RASA2: variants seen among roughly 807,000 people sequenced by gnomAD.
RASA2 encodes RAS p21 protein activator 2, also known as ras GTPase-activating protein 2.
In RASA2, 155 loss-of-function variants were observed where a neutral mutation model predicts 118.2. The ratio of observed to expected loss-of-function variants is 1.31; its 90% CI spans 1.15 to 1.50. The LOEUF (loss-of-function observed/expected upper bound fraction) is 1.50. Among genes scored for constraint, RASA2 ranks in the 40% most tolerant of loss-of-function variants. RASA2 has a pLI of 0.00. For synonymous variants in RASA2, 353 were observed against 349.1 expected, an observed-to-expected ratio of 1.01 and a Z score of -0.12; for missense variants, 1,016 against 1,009.6, an observed-to-expected ratio of 1.01 and a Z score of -0.09.
At chr3:141,560,025 T>TGG in intron 9 of RASA2, 30 bp downstream of exon 9, 1 of 1,538,874 alleles carries the variant, frequency 6.5e-7, no homozygotes, top group African/African-American at 1.4e-5. Flanking sequence ...GTGAACTCCA[T>TGG]AGTTTAATTC....
intron 2 of RASA2, among the ~76,000 whole-genome samples, chr3:141,514,532 T>G (rs529147044): frequency 1.6e-4 from 24 of 152,284 alleles, no homozygotes; most frequent in Admixed American, 7.2e-4. Context: ...TTCACTAGAA[T>G]AGCTAAAGTT....
intron 6 of RASA2, among the ~76,000 whole-genome samples, chr3:141,555,610 C>T (rs562891568): frequency 8.6e-5 from 13 of 150,614 alleles, no homozygotes; most frequent in African/African-American, 9.8e-5. Context: ...CTAGTGTGTC[C>T]GTAGAGAGAA....
At chr3:141,494,557 C>T (rs1172667229) in intron 1 of RASA2, among the ~76,000 whole-genome samples, 4 of 152,026 alleles carry the variant, frequency 2.6e-5, no homozygotes, top group African/African-American at 7.2e-5. Context: ...TTGGTAGAGA[C>T]GGGGTTTCAC....
At position 141,512,018 on chromosome 3, in the gene RASA2, A is replaced by G. The variant is rs1577660738; in HGVS notation, c.134-145A>G. 6.1e-5 allele frequency: 37 copies of G among 606,140 alleles called. No individual in the cohort carries two copies. The South Asian group carries it at 7.6e-4, about 12-fold the overall frequency. The allele number at this position is 606,140 out of a possible 1,614,324, so 37.5% of individuals were successfully genotyped here. A position where few individuals can be genotyped will look rare whatever the true frequency, so the allele number is the denominator to read the frequency against. ...CAGTCTTAACAATCTCCTTTAGACC[A>G]GCTTGATCTTTCTGTAATCACTAGT... On this transcript the variant is annotated intron_variant, in intron 1 of 23. Coordinates refer to ENST00000286364, the MANE Select transcript of RASA2 (RefSeq NM_006506.5).
chr3:141,554,999 C>T (rs892848651), intron 6 of RASA2, among the ~76,000 whole-genome samples: 2 of 152,084 alleles, frequency 1.3e-5, no homozygotes, highest in African/African-American at 4.8e-5. Flanking sequence ...AGGTGGCTCA[C>T]GCCTGTAATC....
chr3:141,611,455 G>T (rs1301635316), intron 23 of RASA2, among the ~76,000 whole-genome samples: 1 of 152,192 alleles, frequency 6.6e-6, no homozygotes, highest in Non-Finnish European at 1.5e-5. Flanking sequence ...CTGTTACAAA[G>T]AAGTGGATAG....
In RASA2 at chr3:141,540,447, T is replaced by G; in HGVS notation, c.451-86T>G. The G allele has an allele frequency of 2.8e-6, 3 of 1,085,314 alleles. No individual in the cohort carries two copies. In the East Asian group the frequency reaches 7.2e-5, roughly 26 times the overall value. 67.2% of individuals were successfully genotyped at this position (1,085,314 alleles called of 1,614,324 possible). A position where few individuals can be genotyped will look rare whatever the true frequency, so the allele number is the denominator to read the frequency against. On this transcript the variant is annotated intron_variant, in intron 4 of 23. Coordinates refer to ENST00000286364, the MANE Select transcript of RASA2 (RefSeq NM_006506.5). Reference sequence around the variant, plus strand: ...CATGTGCTAGTGGTCAGTGGATAAATACTGTGGTGATTTGAAAAGGCACAT... The same window carrying G: ...CATGTGCTAGTGGTCAGTGGATAAAGACTGTGGTGATTTGAAAAGGCACAT...
At chr3:141,495,147 T>A (rs1298410882) in intron 1 of RASA2, among the ~76,000 whole-genome samples, 1 of 152,226 alleles carries the variant, frequency 6.6e-6, no homozygotes, top group Non-Finnish European at 1.5e-5. Context: ...TTTAAAGCAC[T>A]TTATGCGTAT....
chr3:141,511,641 A>G (rs151102533), intron 1 of RASA2, among the ~76,000 whole-genome samples: 31 of 152,254 alleles, frequency 2.0e-4, no homozygotes, highest in African/African-American at 6.7e-4. Context: ...TTTTAGTGGC[A>G]TGGTGGGGTC....
At chr3:141,596,699 G>GCT (rs1342365095) in intron 19 of RASA2, among the ~76,000 whole-genome samples, 3 of 152,180 alleles carry the variant, frequency 2.0e-5, no homozygotes, top group African/African-American at 7.2e-5. Flanking sequence ...ATGAAAAGAT[G>GCT]CTCAACATCA....
chr3:141,491,196 A>T (rs2081636388), intron 1 of RASA2, among the ~76,000 whole-genome samples: 1 of 152,180 alleles, frequency 6.6e-6, no homozygotes, highest in African/African-American at 2.4e-5. Flanking sequence ...CATTGTATAC[A>T]GGTTGTTCCC....
intron 4 of RASA2, among the ~76,000 whole-genome samples, chr3:141,530,490 T>C (rs2082244584): frequency 6.6e-6 from 1 of 152,084 alleles, no homozygotes; most frequent in South Asian, 2.1e-4. Context: ...TATTTATTTA[T>C]AAAATATGGT....
chr3:141,487,038 C>G lies in RASA2; in HGVS notation c.-46C>G. The G allele has an allele frequency of 1.7e-6, 2 of 1,165,800 alleles. No individual in the cohort carries two copies. Among genetic ancestry groups the G allele is most frequent in the Non-Finnish European group, 2.1e-6 (2 of 942,474 alleles). 72.2% of individuals were successfully genotyped at this position (1,165,800 alleles called of 1,614,324 possible). On this transcript the variant is annotated 5_prime_UTR_variant, in exon 1 of 24. Transcript: ENST00000286364. ...TAGGCCGCTGCTGGGCTCCGCCTCG[C>G]CCGGCTACGCAGGCGGCAGGGCTGC...
rs538872582 is a variant in RASA2 at position 141,496,015 on chromosome 3, A to G, written c.133+8799A>G. The stretch of plus-strand genomic sequence containing the variant: ...TTTACTTTTCTGCATGTAGATGGAT[A>G]AATACATAAAAAGAGGTCTGAACAG... On this transcript the variant is annotated intron_variant, in intron 1 of 23. Transcript: ENST00000286364. Among the ~76,000 whole-genome samples the G allele has an allele frequency of 9.2e-5, 14 of 152,328 alleles. No individual in the cohort carries two copies. In the South Asian group the frequency reaches 1.5e-3, roughly 16 times the overall value.
chr3:141,612,484 G>A lies in RASA2; in HGVS notation c.*171G>A, dbSNP rs989483051. 1.8e-6 allele frequency: 1 copy of A among 541,262 alleles called. No homozygotes were observed. The highest frequency in any genetic ancestry group is 3.4e-5 in the East Asian group (1 of 29,478). 33.5% of individuals were successfully genotyped at this position (541,262 alleles called of 1,614,324 possible). On this transcript the variant is annotated 3_prime_UTR_variant, in exon 24 of 24. Coordinates refer to ENST00000286364, the MANE Select transcript of RASA2 (RefSeq NM_006506.5). The stretch of plus-strand genomic sequence containing the variant: ...TGAAATTAATTGTTTGGGAATCCTG[G>A]TATTGATGTATTACTAGAGAATTTA...
intron 4 of RASA2, among the ~76,000 whole-genome samples, chr3:141,534,148 T>C (rs2082295850): frequency 1.3e-5 from 2 of 152,362 alleles, no homozygotes; most frequent in Middle Eastern, 3.4e-3. Flanking sequence ...ACAGCCGTGC[T>C]ATTAGTTATT....
At chr3:141,600,231 T>A in intron 19 of RASA2, 1 of 488,918 alleles carries the variant, frequency 2.0e-6, no homozygotes, top group Non-Finnish European at 4.1e-6. Context: ...GTAAAAAGGT[T>A]TCTTGAAGGA....
At chr3:141,488,136 T>C (rs1388829265) in intron 1 of RASA2, among the ~76,000 whole-genome samples, 1 of 152,228 alleles carries the variant, frequency 6.6e-6, no homozygotes, top group Non-Finnish European at 1.5e-5. Flanking sequence ...CATTTTAGTT[T>C]TAAAAACGAC....
intron 5 of RASA2, among the ~76,000 whole-genome samples, chr3:141,550,893 C>T (rs1227937546): frequency 2.0e-5 from 3 of 152,198 alleles, no homozygotes; most frequent in African/African-American, 7.2e-5. Flanking sequence ...CTATCCAACT[C>T]CTCCCCCAAA....
Sources: allele counts gnomAD v4.1 joint callset (sites outside exome capture counted in the v4.1 genomes callset), GRCh38; gene constraint gnomAD v4.1.1; transcripts MANE v1.5; gene names NCBI Gene and HGNC (gene_info 2026-07-23, HGNC 2026-07-21).